Variants in MYO9A observed in about 807,000 individuals in gnomAD.
MYO9A encodes the protein myosin IXA, also known as unconventional myosin-IXa.
Under a neutral mutation model 293.3 loss-of-function variants are expected in MYO9A, and 103 were observed. The observed-to-expected ratio is 0.35, with a 90% CI of 0.30 to 0.41. The LOEUF (loss-of-function observed/expected upper bound fraction) is 0.41, where lower values mean the gene tolerates loss of function less well. Ranked by LOEUF, MYO9A falls within the 10% of genes least tolerant of loss-of-function variation. MYO9A has a pLI of 1.00. For synonymous variants in MYO9A, 1,001 were observed against 1,035.7 expected (o/e 0.97, Z 0.64); for missense variants, 2,685 against 3,033.0 (o/e 0.89, Z 2.69).
chr15:71,898,340 T>C lies in MYO9A; in HGVS notation c.4163A>G (p.Asp1388Gly), dbSNP rs964165597. ...NETSSAEHLK[D>G]GTMKEMVVCS... ...GACCACCATTTCCTTCATAGTTCCATCCTTCAAATGCTCTGCACTGCTAGT... is the reference window on the plus strand; with the variant it reads ...GACCACCATTTCCTTCATAGTTCCACCCTTCAAATGCTCTGCACTGCTAGT... Residue 1388 changes from aspartate (D) to glycine (G), a missense_variant, in exon 25 of 42, where the codon GAT (aspartate) becomes GGT (glycine). This residue lies in a region of MYO9A where 1,434 missense variants were observed against 1,497.7 expected (regional missense o/e 0.96). Coordinates refer to ENST00000356056, the MANE Select transcript of MYO9A (RefSeq NM_006901.4). 1.5e-5 allele frequency: 24 copies of C among 1,613,676 alleles called. No homozygotes were observed. The highest frequency in any genetic ancestry group is 2.0e-5 in the Non-Finnish European group (24 of 1,180,040).
At chr15:71,891,990 T>C (rs1315662860) in intron 26 of MYO9A, 2 of 152,204 alleles carry the variant, frequency 1.3e-5, no homozygotes. Flanking sequence ...ATTAGAGAGC[T>C]CAGTTACAGA....
chr15:71,925,308 TATATAC>T (rs2058276724), intron 18 of MYO9A, among the ~76,000 whole-genome samples: 2 of 23,264 alleles, frequency 8.6e-5, no homozygotes, highest in East Asian at 5.2e-4. Flanking sequence ...CATATATACG[TATATAC>T]GTATATGTAC....
In MYO9A at chr15:71,823,244, GC is replaced by G. The variant is rs1245650334; in HGVS notation, c.*3335del. 1.3e-5 allele frequency: 2 copies of G among 152,202 alleles called. No homozygotes were observed. Among genetic ancestry groups the G allele is most frequent in the Non-Finnish European group, 2.9e-5 (2 of 68,044 alleles). 9.4% of individuals were successfully genotyped at this position (152,202 alleles called of 1,614,324 possible). On this transcript the variant is annotated 3_prime_UTR_variant, in exon 42 of 42. Transcript: ENST00000356056. ...AGTGCTTGTTACAGTGAAAAACACA[GC>G]CCACAGGCACTGAGGTGGGACTACA...
intron 1 of MYO9A, among the ~76,000 whole-genome samples, chr15:72,098,671 G>A (rs2080146913): frequency 6.6e-6 from 1 of 152,068 alleles, no homozygotes; most frequent in South Asian, 2.1e-4. Context: ...AAAGTAGGAA[G>A]GAAATAACAG....
At chr15:71,956,333 AT>A (rs2059189713) in intron 14 of MYO9A, among the ~76,000 whole-genome samples, 1 of 93,564 alleles carries the variant, frequency 1.1e-5, no homozygotes, top group African/African-American at 4.2e-5. Context: ...AAAAAAAAAT[AT>A]ATATATATAT....
intron 2 of MYO9A, chr15:72,041,578 G>A (rs547723770): frequency 1.5e-4 from 52 of 345,464 alleles, no homozygotes; most frequent in Admixed American, 4.6e-4. Flanking sequence ...TCACTTTTCC[G>A]CAAGGTTGAG....
At position 71,959,901 on chromosome 15, in the gene MYO9A, C is replaced by A; in HGVS notation, c.2182G>T (p.Gly728Ter). The change falls in exon 14 of 42, where the codon GGA becomes TGA. Residue 728 changes from glycine to a stop codon, truncating the protein, a stop_gained and splice_region_variant. Coordinates refer to ENST00000356056, the MANE Select transcript of MYO9A (RefSeq NM_006901.4). LOFTEE classifies it high-confidence loss of function. ...AGKRNIHRKT[G>*]HDDTAPCAIL... Reference sequence around the variant, plus strand: ...TAGAATACTAATAACTACTACTTACCAGTTTTTCTGTGAATGTTTCTTTTC... The same window carrying A: ...TAGAATACTAATAACTACTACTTACAAGTTTTTCTGTGAATGTTTCTTTTC... The A allele has an allele frequency of 2.5e-6, 4 of 1,607,512 alleles. No individual in the cohort carries two copies. Among genetic ancestry groups the A allele is most frequent in the Non-Finnish European group, 3.4e-6 (4 of 1,175,654 alleles).
Position 71,850,765 on chromosome 15 carries a change from CAAAAAAAAAAAAAAAAAAAA to C in MYO9A, c.6581+468_6581+487del, listed in dbSNP as rs780727961. 9.5e-4 allele frequency among the ~76,000 whole-genome samples: 42 copies of C among 44,124 alleles called. 1 individual carries two copies. Among genetic ancestry groups the C allele is most frequent in the African/African-American group, 1.8e-3 (18 of 10,004 alleles). 28.9% of individuals were successfully genotyped at this position (44,124 alleles called of 152,430 possible). ...TGGGTGACAGACTGAAACTGTGTCT[CAAAAAAAAAAAAAAAAAAAA>C]AAAAAAAAAAAAAAAAGAATGCAGA... On this transcript the variant is annotated intron_variant, in intron 37 of 41. Coordinates refer to ENST00000356056, the MANE Select transcript of MYO9A (RefSeq NM_006901.4).
chr15:71,971,604 A>G (rs200851345), intron 12 of MYO9A, among the ~76,000 whole-genome samples: 208 of 11,186 alleles, frequency 0.019, no homozygotes, highest in Middle Eastern at 0.062. Flanking sequence ...AAAAAAAAAG[A>G]AAAAAAAAAA....
chr15:72,065,439 C>T (rs911677274), intron 1 of MYO9A, among the ~76,000 whole-genome samples: 5 of 150,190 alleles, frequency 3.3e-5, no homozygotes, highest in African/African-American at 1.2e-4. Context: ...GGCTTGAACC[C>T]GGGAGGCGGA....
intron 6 of MYO9A, among the ~76,000 whole-genome samples, chr15:72,013,544 T>C (rs1025050806): frequency 6.6e-6 from 1 of 152,202 alleles, no homozygotes. Context: ...GTCAGCTCCA[T>C]ATAAGTTCTT....
At chr15:71,860,993 A>AAAAAAAAAAAAAAAAAAAAAC (rs2056098387) in intron 33 of MYO9A, among the ~76,000 whole-genome samples, 1 of 150,234 alleles carries the variant, frequency 6.7e-6, no homozygotes, top group African/African-American at 2.4e-5. Flanking sequence ...AAAAAAAAAA[A>AAAAAAAAAAAAAAAAAAAAAC]ATCAAACCAG....
intron 32 of MYO9A, among the ~76,000 whole-genome samples, chr15:71,874,376 G>C (rs1301973136): frequency 6.6e-6 from 1 of 152,178 alleles, no homozygotes; most frequent in Non-Finnish European, 1.5e-5. Context: ...GATAGGAGGA[G>C]GAGGGGAAGT....
At position 71,853,240 on chromosome 15, in the gene MYO9A, C is replaced by A. The variant is rs185283199; in HGVS notation, c.6347-980G>T. Among the ~76,000 whole-genome samples, 58 of 152,316 alleles carry A rather than the reference C, an allele frequency of 3.8e-4. No individual in the cohort carries two copies. In the East Asian group the frequency reaches 9.6e-3, roughly 25 times the overall value. ...CCACACTTTGAGTAACAATGGTTTA[C>A]ATGACAAATGAAAAAACGCATACAG... On this transcript the variant is annotated intron_variant, in intron 35 of 41. Coordinates refer to ENST00000356056, the MANE Select transcript of MYO9A (RefSeq NM_006901.4).
At chr15:71,921,819 A>G (rs1401344626) in intron 18 of MYO9A, among the ~76,000 whole-genome samples, 3 of 152,164 alleles carry the variant, frequency 2.0e-5, no homozygotes, top group African/African-American at 4.8e-5. Flanking sequence ...TGTATACACT[A>G]TAAGTTATGA....
intron 39 of MYO9A, among the ~76,000 whole-genome samples, chr15:71,841,669 G>T (rs2055165049): frequency 6.6e-6 from 1 of 150,962 alleles, no homozygotes; most frequent in African/African-American, 2.4e-5. Flanking sequence ...TTTGAGATAG[G>T]GTCTCCCCCT....
In MYO9A at chr15:72,094,012, AAAG is replaced by A. The variant is rs1246260413; in HGVS notation, c.-72+23665_-72+23667del. On this transcript the variant is annotated intron_variant, in intron 1 of 41. Transcript: ENST00000356056. The stretch of plus-strand genomic sequence containing the variant: ...AAAGAAGAAAAATACACACCCAAAA[AAAG>A]AAGAAAAACACAAAAATACAAAAAA... 4.3e-5 allele frequency among the ~76,000 whole-genome samples: 4 copies of A among 92,166 alleles called. 1 individual carries two copies. Among genetic ancestry groups the A allele is most frequent in the African/African-American group, 1.0e-4 (4 of 39,004 alleles). 60.5% of individuals were successfully genotyped at this position (92,166 alleles called of 152,430 possible). A position where few individuals can be genotyped will look rare whatever the true frequency, so the allele number is the denominator to read the frequency against.
chr15:71,936,773 T>C (rs2058654055), intron 16 of MYO9A, among the ~76,000 whole-genome samples: 2 of 152,002 alleles, frequency 1.3e-5, no homozygotes, highest in Admixed American at 1.3e-4. Flanking sequence ...TAGAAACGCT[T>C]GTATTTTCAT....
At chr15:71,930,630 T>C (rs1050679390) in intron 18 of MYO9A, among the ~76,000 whole-genome samples, 1 of 152,054 alleles carries the variant, frequency 6.6e-6, no homozygotes, top group Non-Finnish European at 1.5e-5. Flanking sequence ...TATAGATGAG[T>C]CTCTCTTTTT....
Sources: gnomAD v4.1 joint callset for allele counts (sites outside exome capture counted in the v4.1 genomes callset) on GRCh38, gnomAD v4.1.1 for gene constraint, gnomAD v4.1.1 regional missense constraint, MANE v1.5 for transcripts, NCBI Gene and HGNC (gene_info 2026-07-23, HGNC 2026-07-21) for gene names.